MUC17: variants seen among roughly 807,000 people sequenced by gnomAD.
MUC17 encodes the protein mucin-17.
A neutral mutation model predicts 170.3 loss-of-function variants in MUC17; 190 were observed. The ratio of observed to expected loss-of-function variants is 1.12; its 90% CI spans 0.99 to 1.26. The LOEUF is 1.26. Among genes scored for constraint, MUC17 ranks in the 50% most tolerant of loss-of-function variants. MUC17 has a pLI of 0.00. For synonymous variants in MUC17, 2,325 were observed against 2,002.5 expected (o/e 1.16, Z -4.30); for missense variants, 6,415 against 5,530.0 (o/e 1.16, Z -5.08).
At chr7:101,049,242 C>G (rs1423250725) in intron 5 of MUC17, 82 bp from the exon 6 acceptor site, 1 of 1,571,068 alleles carries the variant, frequency 6.4e-7, no homozygotes, top group Non-Finnish European at 8.8e-7. Flanking sequence ...CAGGATCATC[C>G]CCTGGTCCTG....
intron 1 of MUC17, among the ~76,000 whole-genome samples, chr7:101,028,490 C>A (rs1003356265): frequency 5.9e-5 from 9 of 152,096 alleles, no homozygotes; most frequent in Non-Finnish European, 5.9e-5. Flanking sequence ...TTAATCCCAT[C>A]TGGTGTATTT....
rs374588011 is a variant in MUC17 at position 101,058,087 on chromosome 7, G to C, written c.*43G>C. On this transcript the variant is annotated 3_prime_UTR_variant, in exon 13 of 13. Coordinates refer to ENST00000306151, the MANE Select transcript of MUC17 (RefSeq NM_001040105.2). ...TCTGGGAGTGAGGAGATCCCAGTCCGGCTAAGCTTGGTGGAGCATTTTCCC... is the reference window on the plus strand; with the variant it reads ...TCTGGGAGTGAGGAGATCCCAGTCCCGCTAAGCTTGGTGGAGCATTTTCCC... 1.9e-6 allele frequency: 3 copies of C among 1,584,322 alleles called. No homozygotes were observed. The highest frequency in any genetic ancestry group is 2.7e-5 in the African/African-American group (2 of 74,396).
chr7:101,040,373 G>A lies in MUC17; in HGVS notation c.8957G>A (p.Arg2986Lys). ...CCAATCTCAACTCCTGGCGAAAGAA[G>A]AACTCCATTAACAAGTATGTCTGTC... ...SMPISTPGERRTPLTSMSVST... is the reference protein window; with the variant it reads ...SMPISTPGERKTPLTSMSVST... Residue 2986 changes from arginine to lysine, a missense_variant, in exon 3 of 13, where the codon AGA (arginine) becomes AAA (lysine). Physicochemically the swap from Arg to Lys is conservative, Grantham distance 26. Transcript: ENST00000306151. 4 of 1,612,006 alleles carry A rather than the reference G, an allele frequency of 2.5e-6. No individual in the cohort carries two copies. The highest frequency in any genetic ancestry group is 3.4e-6 in the Non-Finnish European group (4 of 1,179,428).
chr7:101,038,127 T>C lies in MUC17; in HGVS notation c.6711T>C (p.Ala2237=). The C allele has an allele frequency of 6.3e-7, 1 of 1,586,312 alleles. No individual in the cohort carries two copies. Among genetic ancestry groups the C allele is most frequent in the Non-Finnish European group, 8.6e-7 (1 of 1,167,654 alleles). ...VSTMPVVTSE[A]STLSATPVDT... is the part of the protein sequence containing the mutation. Reference sequence around the variant, plus strand: ...CCATGCCGGTAGTTACTTCTGAGGCTAGCACCCTTTCAGCAACTCCTGTTG... The same window carrying C: ...CCATGCCGGTAGTTACTTCTGAGGCCAGCACCCTTTCAGCAACTCCTGTTG... The change falls in exon 3 of 13, where the codon GCT becomes GCC. Residue 2237 remains alanine (A), a synonymous_variant. Coordinates refer to ENST00000306151, the MANE Select transcript of MUC17 (RefSeq NM_001040105.2).
At position 101,039,599 on chromosome 7, in the gene MUC17, A is replaced by C; in HGVS notation, c.8183A>C (p.Glu2728Ala). 6 of 1,612,522 alleles carry C rather than the reference A, an allele frequency of 3.7e-6. No individual in the cohort carries two copies. Among genetic ancestry groups the C allele is most frequent in the Non-Finnish European group, 5.1e-6 (6 of 1,179,252 alleles). ...AGCACACCTGTCACCACTTCTGCTG[A>C]AGCCAGTTCTTCTCCTACAACTGCT... ...DTSTPVTTSA[E>A]ASSSPTTAEG... The change falls in exon 3 of 13, where the codon GAA (glutamate) becomes GCA (alanine). Residue 2728 changes from glutamate to alanine, a missense_variant. Transcript: ENST00000306151.
Position 101,036,556 on chromosome 7 carries a change from C to T in MUC17, c.5140C>T (p.Pro1714Ser). 2 of 1,611,488 alleles carry T rather than the reference C, an allele frequency of 1.2e-6. No homozygotes were observed. The highest frequency in any genetic ancestry group is 1.7e-4 in the Middle Eastern group (1 of 6,046). The change falls in exon 3 of 13, where the codon CCC becomes TCC. Residue 1714 changes from proline to serine, a missense_variant. Transcript: ENST00000306151. ...SSAISTLSTT[P>S]VDNSTPVTTS... ...TGCAATCAGCACCCTTTCAACAACT[C>T]CCGTTGACAACAGCACACCTGTGAC... is the stretch of plus-strand genomic sequence containing the variant.
At chr7:101,053,867 C>T (rs544731077) in intron 11 of MUC17, among the ~76,000 whole-genome samples, 33 of 139,638 alleles carry the variant, frequency 2.4e-4, no homozygotes, top group African/African-American at 5.4e-4. Flanking sequence ...GCAACAAGCA[C>T]GAAACTCCGT....
Position 101,033,039 on chromosome 7 carries a change from T to A in MUC17, c.1623T>A (p.Pro541=). 1.2e-6 allele frequency: 2 copies of A among 1,613,252 alleles called. No individual in the cohort carries two copies. Among genetic ancestry groups the A allele is most frequent in the East Asian group, 4.5e-5 (2 of 44,812 alleles). The change falls in exon 3 of 13, where the codon CCT becomes CCA. Residue 541 remains proline, a synonymous_variant. Coordinates refer to ENST00000306151, the MANE Select transcript of MUC17 (RefSeq NM_001040105.2). ...CAACTCCTGTTGACACCAGCACACCTGTGACCACTTCTAGTGAAGCCAGTT... is the reference window on the plus strand; with the variant it reads ...CAACTCCTGTTGACACCAGCACACCAGTGACCACTTCTAGTGAAGCCAGTT... ...LSTTPVDTST[P]VTTSSEASSS...
intron 12 of MUC17, among the ~76,000 whole-genome samples, chr7:101,056,481 C>T (rs1284971017): frequency 6.6e-6 from 1 of 152,142 alleles, no homozygotes; most frequent in Non-Finnish European, 1.5e-5. Context: ...TTCCTTTGAC[C>T]CCTGAGGCTT....
At position 101,038,488 on chromosome 7, in the gene MUC17, C is replaced by T. The variant is rs138331718; in HGVS notation, c.7072C>T (p.Leu2358Phe). The change falls in exon 3 of 13, where the codon CTT becomes TTT. Residue 2358 changes from leucine (L) to phenylalanine (F), a missense_variant. By Grantham distance (22) the Leu-to-Phe change is conservative (BLOSUM62 0). Coordinates refer to ENST00000306151, the MANE Select transcript of MUC17 (RefSeq NM_001040105.2). Reference sequence around the variant, plus strand: ...GGTGGCCAGTTTTGAAACAAGCACACTTTCTACAACTCCTGCTGACACCAG... The same window carrying T: ...GGTGGCCAGTTTTGAAACAAGCACATTTTCTACAACTCCTGCTGACACCAG... ...TMVASFETST[L>F]STTPADTSTP... 3.1e-6 allele frequency: 5 copies of T among 1,604,338 alleles called. No individual in the cohort carries two copies. In the African/African-American group the frequency reaches 4.0e-5, roughly 13 times the overall value.
At position 101,042,239 on chromosome 7, in the gene MUC17, C is replaced by G; in HGVS notation, c.10823C>G (p.Thr3608Ser). 1 of 1,614,144 alleles carries G rather than the reference C, an allele frequency of 6.2e-7. No homozygotes were observed. The highest frequency in any genetic ancestry group is 8.5e-7 in the Non-Finnish European group (1 of 1,180,012). ...TCTGTTGACAGAAGCACACCTGTGA[C>G]CACTTCTACTCAGAGCAATTCTACT... ...TPSVDRSTPV[T>S]TSTQSNSTPT... Residue 3608 changes from threonine to serine, a missense_variant, in exon 3 of 13, where the codon ACC becomes AGC. Transcript: ENST00000306151.
chr7:101,026,006 G>A (rs1584855242), intron 1 of MUC17, among the ~76,000 whole-genome samples: 2 of 152,284 alleles, frequency 1.3e-5, no homozygotes, highest in Admixed American at 1.3e-4. Context: ...GAGCCCACAC[G>A]GTAGATGTTG....
intron 1 of MUC17, among the ~76,000 whole-genome samples, chr7:101,024,475 G>A (rs1344592516): frequency 2.6e-5 from 4 of 151,910 alleles, no homozygotes; most frequent in African/African-American, 9.7e-5. Context: ...TGAGGAGAAG[G>A]GGGGTTGTGA....
chr7:101,023,037 G>A (rs1310575457), intron 1 of MUC17, among the ~76,000 whole-genome samples: 1 of 152,156 alleles, frequency 6.6e-6, no homozygotes, highest in Non-Finnish European at 1.5e-5. Context: ...AAACCGAGGT[G>A]TCACAGGGCC....
Position 101,042,184 on chromosome 7 carries a change from A to C in MUC17, c.10768A>C (p.Ser3590Arg). Residue 3590 changes from serine (S) to arginine (R), a missense_variant, in exon 3 of 13, where the codon AGT (serine) becomes CGT (arginine). Physicochemically the swap from Ser to Arg is moderately radical, Grantham distance 110. Coordinates refer to ENST00000306151, the MANE Select transcript of MUC17 (RefSeq NM_001040105.2). ...GCTCCTCAGCAGCACATATGTGACC[A>C]GTTCTGAGGCTAGCACACCTTCCAC... ...TMLLSSTYVT[S>R]SEASTPSTPS... 1 of 1,614,220 alleles carries C rather than the reference A, an allele frequency of 6.2e-7. No individual in the cohort carries two copies. The highest frequency in any genetic ancestry group is 8.5e-7 in the Non-Finnish European group (1 of 1,180,028).
chr7:101,036,009 C>T lies in MUC17; in HGVS notation c.4593C>T (p.Ile1531=). 1 of 1,611,226 alleles carries T rather than the reference C, an allele frequency of 6.2e-7. No individual in the cohort carries two copies. Among genetic ancestry groups the T allele is most frequent in the Non-Finnish European group, 8.5e-7 (1 of 1,178,388 alleles). Reference sequence around the variant, plus strand: ...CCACAACAGTGGCCAGTTCTGAAATCAACAGCCTTTCAACAACTCCTGCTG... The same window carrying T: ...CCACAACAGTGGCCAGTTCTGAAATTAACAGCCTTTCAACAACTCCTGCTG... ...VSTTTVASSE[I]NSLSTTPAVT... The change falls in exon 3 of 13, where the codon ATC becomes ATT. Residue 1531 remains isoleucine (I), a synonymous_variant. Transcript: ENST00000306151.
chr7:101,035,831 C>T lies in MUC17; in HGVS notation c.4415C>T (p.Ala1472Val), dbSNP rs1794458333. 6.2e-7 allele frequency: 1 copy of T among 1,600,012 alleles called. No individual in the cohort carries two copies. Among genetic ancestry groups the T allele is most frequent in the Non-Finnish European group, 8.5e-7 (1 of 1,172,142 alleles). Residue 1472 changes from alanine to valine, a missense_variant, in exon 3 of 13, where the codon GCT (alanine) becomes GTT (valine). Ala to Val is a moderately conservative substitution (Grantham distance 64). Transcript: ENST00000306151. Reference sequence around the variant, plus strand: ...AACACGCCGGTGGCCAATTCTGAGGCTAGCACCCTTTCAACAACTCCTGTT... The same window carrying T: ...AACACGCCGGTGGCCAATTCTGAGGTTAGCACCCTTTCAACAACTCCTGTT... ...VSNTPVANSE[A>V]STLSTTPVDS... is the part of the protein sequence containing the mutation.
At position 101,041,596 on chromosome 7, in the gene MUC17, C is replaced by T. The variant is rs1562817708; in HGVS notation, c.10180C>T (p.Pro3394Ser). 18 of 1,612,816 alleles carry T rather than the reference C, an allele frequency of 1.1e-5. No individual in the cohort carries two copies. Among genetic ancestry groups the T allele is most frequent in the Non-Finnish European group, 1.4e-5 (17 of 1,179,706 alleles). Residue 3394 changes from proline (P) to serine (S), a missense_variant, in exon 3 of 13, where the codon CCT becomes TCT. Physicochemically the swap from Pro to Ser is moderately conservative, Grantham distance 74. Transcript: ENST00000306151. ...AEGTSIPTSS[P>S]SEGTTPLASM... ...AGGTACCAGCATACCAACCTCAAGT[C>T]CTAGTGAAGGAACCACTCCATTAGC...
intron 3 of MUC17, among the ~76,000 whole-genome samples, chr7:101,044,181 T>C (rs1331999449): frequency 2.6e-5 from 4 of 152,210 alleles, no homozygotes; most frequent in African/African-American, 9.6e-5. Flanking sequence ...CGTCCTTTTT[T>C]AATGGCTGCA....
Sources: allele counts gnomAD v4.1 joint callset (sites outside exome capture counted in the v4.1 genomes callset), GRCh38; gene constraint gnomAD v4.1.1; transcripts MANE v1.5; gene names NCBI Gene and HGNC (gene_info 2026-07-23, HGNC 2026-07-21).